ANO3: variants seen among roughly 807,000 people sequenced by gnomAD.
The protein encoded by ANO3 is anoctamin 3.
In ANO3, 99 loss-of-function variants were observed where a neutral mutation model predicts 144.8. That is an observed-to-expected ratio of 0.68 (90% confidence interval 0.58 to 0.81). ANO3 has a LOEUF of 0.81. Ranked by LOEUF, ANO3 falls within the 30% of genes least tolerant of loss-of-function variation. The probability of loss-of-function intolerance (pLI) is 0.00; values close to 1 mark genes in which losing one functional copy is unlikely to be tolerated. For synonymous variants in ANO3, 414 were observed against 392.6 expected (o/e 1.05, Z -0.64); for missense variants, 905 against 1,202.2 (o/e 0.75, Z 3.66).
chr11:26,236,662 C>CA (rs1278221356), intron 1 of ANO3, among the ~76,000 whole-genome samples: 10 of 151,578 alleles, frequency 6.6e-5, no homozygotes, highest in Middle Eastern at 3.4e-3. Flanking sequence ...ACTAAAAATA[C>CA]AAAAAATTAG....
At chr11:26,286,491 T>C (rs553356406) in intron 1 of ANO3, among the ~76,000 whole-genome samples, 6 of 152,346 alleles carry the variant, frequency 3.9e-5, no homozygotes, top group African/African-American at 1.4e-4. Context: ...GTGATTCTAA[T>C]GTGTGGTGTT....
intron 13 of ANO3, among the ~76,000 whole-genome samples, chr11:26,558,632 C>T (rs1320677922): frequency 6.6e-6 from 1 of 152,086 alleles, no homozygotes; most frequent in African/African-American, 2.4e-5. Flanking sequence ...TATCCACCAA[C>T]CTTCAAAGGG....
In ANO3 at chr11:26,315,664, T is replaced by C. The variant is rs1366349126; in HGVS notation, c.-3+5945T>C. On this transcript the variant is annotated intron_variant, in intron 1 of 26. Transcript: ENST00000525139. The stretch of plus-strand genomic sequence containing the variant: ...CTGGACCTATCTATCTGTCTGTCTA[T>C]CTATCTATCTATCTATCTATCCATC... Among the ~76,000 whole-genome samples the C allele has an allele frequency of 2.2e-5, 3 of 137,712 alleles. No individual in the cohort carries two copies. The East Asian group carries it at 7.3e-4, about 34-fold the overall frequency. The allele number at this position is 137,712 out of a possible 152,430, so 90.3% of individuals were successfully genotyped here.
intron 4 of ANO3, among the ~76,000 whole-genome samples, chr11:26,483,953 G>C (rs1162407694): frequency 6.6e-6 from 1 of 152,196 alleles, no homozygotes; most frequent in African/African-American, 2.4e-5. Context: ...TTGGGAACTT[G>C]AGTAAATGTC....
At chr11:26,467,323 C>G (rs1859633905) in intron 4 of ANO3, among the ~76,000 whole-genome samples, 4 of 151,894 alleles carry the variant, frequency 2.6e-5, no homozygotes, top group Admixed American at 2.6e-4. Flanking sequence ...TTAAAATGTA[C>G]AAGTAAATCA....
At chr11:26,612,566 C>T (rs10767560) in intron 17 of ANO3, among the ~76,000 whole-genome samples, 43,436 of 149,510 alleles carry the variant, frequency 0.29, 6,644 homozygotes, top group South Asian at 0.46. Flanking sequence ...ATTCTCAGTT[C>T]GATTTATGAA....
At chr11:26,469,857 C>T (rs557749764) in intron 4 of ANO3, among the ~76,000 whole-genome samples, 9 of 151,566 alleles carry the variant, frequency 5.9e-5, no homozygotes, top group Admixed American at 2.0e-4. Flanking sequence ...ACATATATAA[C>T]GATCAGCTGT....
rs192530589 is a variant in ANO3 at position 26,317,549 on chromosome 11, C to A, written c.-3+7830C>A. 6.7e-4 allele frequency among the ~76,000 whole-genome samples: 102 copies of A among 152,218 alleles called. 2 individuals carry two copies. Among genetic ancestry groups the A allele is most frequent in the Admixed American group, 5.9e-3 (91 of 15,296 alleles). ...TCATTACAGAAACGCAAATCAAAAC[C>A]ACAATGAGGTACCATCTCATGCCAG... is the stretch of plus-strand genomic sequence containing the variant. On this transcript the variant is annotated intron_variant, in intron 1 of 26. Coordinates refer to the ANO3 transcript ENST00000525139.
intron 1 of ANO3, among the ~76,000 whole-genome samples, chr11:26,338,762 T>A (rs1207497061): frequency 6.6e-6 from 1 of 152,056 alleles, no homozygotes; most frequent in East Asian, 1.9e-4. Flanking sequence ...TGTGAGGGTC[T>A]GGGGCTTCAC....
At chr11:26,628,580 A>G (rs1017353304) in intron 18 of ANO3, among the ~76,000 whole-genome samples, 12 of 152,252 alleles carry the variant, frequency 7.9e-5, no homozygotes, top group Non-Finnish European at 1.5e-4. Flanking sequence ...GTTGAAAAAT[A>G]AAAGTTTTCT....
intron 1 of ANO3, among the ~76,000 whole-genome samples, chr11:26,405,159 T>C (rs1288213878): frequency 6.6e-6 from 1 of 151,736 alleles, no homozygotes; most frequent in Non-Finnish European, 1.5e-5. Flanking sequence ...TGGGAAAGAA[T>C]AATAAATCTT....
At chr11:26,425,152 T>A (rs1590348206) in intron 1 of ANO3, among the ~76,000 whole-genome samples, 1 of 152,164 alleles carries the variant, frequency 6.6e-6, no homozygotes, top group East Asian at 1.9e-4. Context: ...TCCAGTCAAT[T>A]CTTCCTTTCC....
At chr11:26,413,921 TA>T (rs1857500090) in intron 1 of ANO3, among the ~76,000 whole-genome samples, 1 of 152,076 alleles carries the variant, frequency 6.6e-6, no homozygotes, top group Non-Finnish European at 1.5e-5. Context: ...ATAGTAACTA[TA>T]ATAAATTCTG....
chr11:26,375,200 TC>T (rs1297649689), intron 1 of ANO3, among the ~76,000 whole-genome samples: 1 of 152,150 alleles, frequency 6.6e-6, no homozygotes, highest in Non-Finnish European at 1.5e-5. Flanking sequence ...GAGTACACAA[TC>T]CACATCACTC....
intron 1 of ANO3, among the ~76,000 whole-genome samples, chr11:26,341,049 C>G (rs544656620): frequency 1.7e-4 from 26 of 152,118 alleles, no homozygotes; most frequent in African/African-American, 6.3e-4. Flanking sequence ...TCCTTCTCTT[C>G]TCTTTTCTTT....
chr11:26,291,822 C>T lies in ANO3; in HGVS notation c.155-17823C>T, dbSNP rs530240175. On this transcript the variant is annotated intron_variant, in intron 1 of 27. Transcript: ENST00000672621. ...TCCCTTTGTGGGTAACTCGACCTTT[C>T]TCTCTGGCTGCCTTTAACATTTTTT... Among the ~76,000 whole-genome samples the T allele has an allele frequency of 2.1e-4, 32 of 152,286 alleles. 1 individual carries two copies. The South Asian group carries it at 6.6e-3, about 32-fold the overall frequency.
chr11:26,539,640 C>A (rs907598316), intron 10 of ANO3, among the ~76,000 whole-genome samples: 1 of 152,100 alleles, frequency 6.6e-6, no homozygotes, highest in Non-Finnish European at 1.5e-5. Context: ...CTTGAGGCAC[C>A]TGTGAGCCAT....
intron 16 of ANO3, 90 bp from the exon 17 acceptor site, chr11:26,599,460 C>A: frequency 1.5e-6 from 2 of 1,303,462 alleles, no homozygotes; most frequent in Middle Eastern, 1.9e-4. Context: ...ACCTTCAATT[C>A]TTGGGGACAG....
At chr11:26,655,574 A>C (rs541016627) in intron 24 of ANO3, among the ~76,000 whole-genome samples, 1 of 152,190 alleles carries the variant, frequency 6.6e-6, no homozygotes, top group Admixed American at 6.5e-5. Context: ...TCTACTTATT[A>C]ATTATGTTTA....
Sources: gnomAD v4.1 joint callset for allele counts (sites outside exome capture counted in the v4.1 genomes callset) on GRCh38, gnomAD v4.1.1 for gene constraint, MANE v1.5 for transcripts, NCBI Gene and HGNC (gene_info 2026-07-23, HGNC 2026-07-21) for gene names.